Variants in ACER3 observed in about 807,000 individuals in gnomAD.
ACER3 encodes alkaline ceramidase 3.
ACER3 carries 16 observed loss-of-function variants against 48.9 expected under a neutral mutation model. The observed-to-expected ratio is 0.33, with a 90% CI of 0.22 to 0.50. ACER3 has a LOEUF of 0.50. Among genes scored for constraint, ACER3 ranks in the 20% least tolerant of loss-of-function variants. The pLI, the probability that ACER3 is intolerant of heterozygous loss-of-function variation, is 0.98. For missense variants in ACER3, 227 were observed against 326.0 expected, an observed-to-expected ratio of 0.70 and a Z score of 2.34; for synonymous variants, 109 against 107.8, an observed-to-expected ratio of 1.01 and a Z score of -0.07.
intron 7 of ACER3, among the ~76,000 whole-genome samples, chr11:77,003,206 C>T (rs10793227): frequency 6.6e-6 from 1 of 152,008 alleles, no homozygotes; most frequent in Non-Finnish European, 1.5e-5. Context: ...ATAGTCATGC[C>T]GTTATTCACT....
chr11:76,946,128 C>T (rs1369512869), intron 2 of ACER3, among the ~76,000 whole-genome samples: 1 of 152,204 alleles, frequency 6.6e-6, no homozygotes, highest in Non-Finnish European at 1.5e-5. Context: ...CTCAGTCTCA[C>T]AGCAGTCTGT....
At position 76,876,147 on chromosome 11, in the gene ACER3, C is replaced by T. The variant is rs967898955; in HGVS notation, c.103+15068C>T. Among the ~76,000 whole-genome samples the T allele has an allele frequency of 2.0e-5, 3 of 152,128 alleles. No individual in the cohort carries two copies. The South Asian group carries it at 6.2e-4, about 32-fold the overall frequency. On this transcript the variant is annotated intron_variant, in intron 1 of 10. Coordinates refer to ENST00000532485, the MANE Select transcript of ACER3 (RefSeq NM_018367.7). ...TGCTGGATTTTGAGAAATGCATACACCTATGTAACAACCTCTATCAAGATG... is the reference window on the plus strand; with the variant it reads ...TGCTGGATTTTGAGAAATGCATACATCTATGTAACAACCTCTATCAAGATG...
At chr11:76,961,276 C>T (rs943744487) in intron 3 of ACER3, among the ~76,000 whole-genome samples, 2 of 152,072 alleles carry the variant, frequency 1.3e-5, no homozygotes, top group Non-Finnish European at 2.9e-5. Flanking sequence ...TTGGAGTTAA[C>T]AGTGCAGACT....
At chr11:76,999,164 C>T (rs1032131107) in intron 7 of ACER3, among the ~76,000 whole-genome samples, 1 of 151,992 alleles carries the variant, frequency 6.6e-6, no homozygotes, top group African/African-American at 2.4e-5. Flanking sequence ...TTTCTTAAAC[C>T]TACTTGACTA....
chr11:76,900,797 TCTG>T (rs1295977733), intron 1 of ACER3, among the ~76,000 whole-genome samples: 1 of 152,254 alleles, frequency 6.6e-6, no homozygotes, highest in Non-Finnish European at 1.5e-5. Context: ...CAAGCCATCT[TCTG>T]CTAATTCCTG....
At chr11:76,874,972 C>T (rs1334425364) in intron 1 of ACER3, among the ~76,000 whole-genome samples, 1 of 152,162 alleles carries the variant, frequency 6.6e-6, no homozygotes, top group African/African-American at 2.4e-5. Context: ...ACTGCATTCT[C>T]TGAGTCAGTG....
chr11:76,890,764 T>C (rs559341580), intron 1 of ACER3, among the ~76,000 whole-genome samples: 3 of 152,176 alleles, frequency 2.0e-5, no homozygotes, highest in Non-Finnish European at 2.9e-5. Context: ...GTATGTTATA[T>C]GCTAACTAAG....
In ACER3 at chr11:77,025,123, C is replaced by T. The variant is rs1319075802; in HGVS notation, c.*4796C>T. On this transcript the variant is annotated 3_prime_UTR_variant, in exon 11 of 11. Coordinates refer to ENST00000532485, the MANE Select transcript of ACER3 (RefSeq NM_018367.7). ...TCTGAAACATCTGGCAATGCCAGAT[C>T]TGTAATCATCACTTTTAAATTGAAT... is the stretch of plus-strand genomic sequence containing the variant. The T allele has an allele frequency of 6.6e-6, 1 of 152,156 alleles. No homozygotes were observed. Among genetic ancestry groups the T allele is most frequent in the Non-Finnish European group, 1.5e-5 (1 of 68,028 alleles). The allele number at this position is 152,156 out of a possible 1,614,324, so 9.4% of individuals were successfully genotyped here.
At chr11:76,926,442 C>A in intron 1 of ACER3, 115 bp from the exon 2 acceptor site, 1 of 530,450 alleles carries the variant, frequency 1.9e-6, no homozygotes, top group Admixed American at 3.7e-5. Context: ...AAATATCTTC[C>A]CAATGTCTTT....
At chr11:77,002,165 T>C (rs1420633490) in intron 7 of ACER3, among the ~76,000 whole-genome samples, 1 of 150,838 alleles carries the variant, frequency 6.6e-6, no homozygotes, top group Non-Finnish European at 1.5e-5. Context: ...ATCTCTAAAA[T>C]AGTCACACTC....
intron 3 of ACER3, among the ~76,000 whole-genome samples, chr11:76,960,460 A>G (rs1326953236): frequency 6.6e-6 from 1 of 151,930 alleles, no homozygotes; most frequent in African/African-American, 2.4e-5. Flanking sequence ...TATCTAAAAT[A>G]CTACTTCTCT....
At chr11:76,863,746 T>A (rs1031539357) in intron 1 of ACER3, among the ~76,000 whole-genome samples, 8 of 152,228 alleles carry the variant, frequency 5.3e-5, no homozygotes, top group African/African-American at 1.9e-4. Context: ...ATATATCTTA[T>A]CTCTTTTGAT....
chr11:77,014,927 T>C, intron 7 of ACER3, 89 bp from the exon 8 acceptor site: 1 of 794,062 alleles, frequency 1.3e-6, no homozygotes, highest in Non-Finnish European at 2.2e-6. Flanking sequence ...CCAGCCCTTA[T>C]AAAAAAGGAA....
chr11:76,971,978 C>G (rs1490103200), intron 3 of ACER3, among the ~76,000 whole-genome samples: 6 of 152,178 alleles, frequency 3.9e-5, no homozygotes, highest in Non-Finnish European at 7.4e-5. Context: ...TCTACAGATG[C>G]ACATCTCCCC....
intron 6 of ACER3, chr11:76,994,085 A>G: frequency 2.3e-6 from 1 of 437,848 alleles, no homozygotes; most frequent in Non-Finnish European, 4.5e-6. Context: ...GAACATTCCT[A>G]TTTTCCTATA....
intron 1 of ACER3, among the ~76,000 whole-genome samples, chr11:76,878,732 T>C (rs1945448499): frequency 6.6e-6 from 1 of 152,098 alleles, no homozygotes; most frequent in African/African-American, 2.4e-5. Context: ...ATGTTTAGTT[T>C]TCTAAGAGCC....
chr11:77,014,454 G>T (rs1377872591), intron 7 of ACER3, among the ~76,000 whole-genome samples: 1 of 152,136 alleles, frequency 6.6e-6, no homozygotes, highest in African/African-American at 2.4e-5. Context: ...ACAATGCCTG[G>T]TACACAGTAA....
At chr11:76,983,862 C>T (rs985845623) in intron 4 of ACER3, among the ~76,000 whole-genome samples, 1 of 151,638 alleles carries the variant, frequency 6.6e-6, no homozygotes, top group Non-Finnish European at 1.5e-5. Context: ...GCAATCTTGG[C>T]TCACTGCAAC....
chr11:76,982,699 T>C (rs1052095131), intron 4 of ACER3, among the ~76,000 whole-genome samples: 2 of 152,228 alleles, frequency 1.3e-5, no homozygotes, highest in African/African-American at 4.8e-5. Flanking sequence ...ATTTTTTAAA[T>C]GTTCATGAAT....
Sources: allele counts gnomAD v4.1 joint callset (sites outside exome capture counted in the v4.1 genomes callset), GRCh38; gene constraint gnomAD v4.1.1; transcripts MANE v1.5; gene names NCBI Gene and HGNC (gene_info 2026-07-23, HGNC 2026-07-21).